EDAR: variants seen among roughly 807,000 people sequenced by gnomAD.
EDAR encodes the protein ectodysplasin A receptor.
Under a neutral mutation model 51.3 loss-of-function variants are expected in EDAR, and 38 were observed. The observed-to-expected ratio is 0.74, with a 90% confidence interval of 0.57 to 0.97. The LOEUF is 0.97. Among genes scored for constraint, EDAR ranks in the 50% least tolerant of loss-of-function variants. The pLI is 0.00. For missense variants in EDAR, 528 were observed against 595.0 expected (o/e 0.89, Z 1.17); for synonymous variants, 227 against 242.1 (o/e 0.94, Z 0.58).
intron 11 of EDAR, among the ~76,000 whole-genome samples, chr2:108,900,722 A>G (rs774129735): frequency 3.9e-5 from 6 of 152,234 alleles, no homozygotes; most frequent in Non-Finnish European, 8.8e-5. Flanking sequence ...GGAAAAATAC[A>G]TATCATGCAA....
Position 108,925,436 on chromosome 2 carries a change from G to C in EDAR, c.357-1983C>G, listed in dbSNP as rs371522263. ...CCGGCTTTATGATGGGTGCCCAATG[G>C]GGCCACTACATTTTGAGCATGGGGA... is the stretch of plus-strand genomic sequence containing the variant. On this transcript the variant is annotated intron_variant, in intron 4 of 11. Transcript: ENST00000258443. Among the ~76,000 whole-genome samples, 182 of 152,288 alleles carry C rather than the reference G, an allele frequency of 1.2e-3. 2 individuals carry two copies. Among genetic ancestry groups the C allele is most frequent in the South Asian group, 0.011 (51 of 4,824 alleles).
At chr2:108,980,154 G>A (rs1420368376) in intron 1 of EDAR, among the ~76,000 whole-genome samples, 3 of 152,132 alleles carry the variant, frequency 2.0e-5, no homozygotes, top group Non-Finnish European at 2.9e-5. Flanking sequence ...CACTTTCTCT[G>A]TTCTCAACCT....
intron 1 of EDAR, among the ~76,000 whole-genome samples, chr2:108,935,825 G>A (rs894897938): frequency 1.3e-5 from 2 of 152,196 alleles, no homozygotes; most frequent in African/African-American, 4.8e-5. Context: ...TGTCCAGGGA[G>A]CCAGACATGG....
chr2:108,956,804 T>TTTTA (rs1697935441), intron 1 of EDAR, among the ~76,000 whole-genome samples: 1 of 152,120 alleles, frequency 6.6e-6, no homozygotes, highest in African/African-American at 2.4e-5. Context: ...TTGTTTTTTT[T>TTTTA]GAGACAGAGT....
In EDAR at chr2:108,930,167, G is replaced by C; in HGVS notation, c.127C>G (p.Leu43Val). 1 of 1,614,084 alleles carries C rather than the reference G, an allele frequency of 6.2e-7. No individual in the cohort carries two copies. Among genetic ancestry groups the C allele is most frequent in the Admixed American group, 1.7e-5 (1 of 60,028 alleles). ...CCACACGGGGGGCACTCCTGGCACA[G>C]CCCCGTAGTCTGGTTGTAGTACTCG... The part of the protein sequence containing the change: ...ENEYYNQTTG[L>V]CQECPPCGPG... The change falls in exon 3 of 12, where the codon CTG (leucine) becomes GTG (valine). Residue 43 changes from leucine (L) to valine (V), a missense_variant. Physicochemically the swap from Leu to Val is conservative, Grantham distance 32. Transcript: ENST00000258443.
At chr2:108,928,342 C>T (rs528645182) in intron 4 of EDAR, among the ~76,000 whole-genome samples, 11 of 152,310 alleles carry the variant, frequency 7.2e-5, no homozygotes, top group Admixed American at 3.9e-4. Flanking sequence ...ACACTACCTC[C>T]CCAGCCATGA....
rs559689968 is a variant in EDAR at position 108,985,990 on chromosome 2, C to A, written c.-19+2970G>T. Among the ~76,000 whole-genome samples, 11 of 152,268 alleles carry A rather than the reference C, an allele frequency of 7.2e-5. No individual in the cohort carries two copies. In the South Asian group the frequency reaches 2.3e-3, roughly 32 times the overall value. The stretch of plus-strand genomic sequence containing the variant: ...TGACCTAATGAATGGCTGATCCCTG[C>A]CAAGACCCAGGGCAAAGCTTTTTTC... On this transcript the variant is annotated intron_variant, in intron 1 of 11. Coordinates refer to ENST00000258443, the MANE Select transcript of EDAR (RefSeq NM_022336.4).
intron 1 of EDAR, among the ~76,000 whole-genome samples, chr2:108,974,103 G>A (rs1394881212): frequency 1.3e-5 from 2 of 152,000 alleles, no homozygotes; most frequent in Non-Finnish European, 1.5e-5. Flanking sequence ...GCCGAGGTGG[G>A]TGGATCACGA....
chr2:108,925,596 T>C (rs1489461413), intron 4 of EDAR, among the ~76,000 whole-genome samples: 1 of 151,998 alleles, frequency 6.6e-6, no homozygotes, highest in Admixed American at 6.5e-5. Context: ...AGTCACTCAG[T>C]TAAGGAATAT....
chr2:108,972,537 G>A (rs980181926), intron 1 of EDAR, among the ~76,000 whole-genome samples: 1 of 152,222 alleles, frequency 6.6e-6, no homozygotes, highest in African/African-American at 2.4e-5. Flanking sequence ...GGCAGCCTAG[G>A]AAAAAAGAGA....
rs192654509 is a variant in EDAR at position 108,965,880 on chromosome 2, C to G, written c.-19+23080G>C. 2.0e-3 allele frequency among the ~76,000 whole-genome samples: 297 copies of G among 152,100 alleles called. 1 individual carries two copies. The highest frequency in any genetic ancestry group is 7.1e-3 in the South Asian group (34 of 4,802). ...TCCACCTTTCCCTTCTGTGCTCCCC[C>G]CTCTCCCCCCAGGCAAAGAAATATT... On this transcript the variant is annotated intron_variant, in intron 1 of 11. Transcript: ENST00000258443.
At chr2:108,934,382 C>A (rs937830830) in intron 1 of EDAR, among the ~76,000 whole-genome samples, 13 of 152,050 alleles carry the variant, frequency 8.5e-5, no homozygotes, top group African/African-American at 3.1e-4. Context: ...TTTGGGGATC[C>A]CCAATCTCCA....
chr2:108,897,267 C>T (rs1323267548), intron 11 of EDAR, 38 bp from the exon 12 acceptor site: 1 of 1,570,834 alleles, frequency 6.4e-7, no homozygotes. Flanking sequence ...TGTTGCAAGT[C>T]ACAGTCAATA....
intron 1 of EDAR, among the ~76,000 whole-genome samples, chr2:108,932,928 C>A (rs1230850273): frequency 6.6e-6 from 1 of 152,160 alleles, no homozygotes; most frequent in Admixed American, 6.5e-5. Flanking sequence ...TCCAGAGATC[C>A]CTGGGGAGCA....
chr2:108,956,792 T>TG (rs1697934398), intron 1 of EDAR, among the ~76,000 whole-genome samples: 1 of 130,442 alleles, frequency 7.7e-6, no homozygotes, highest in African/African-American at 3.4e-5. Flanking sequence ...CTCTTTTTTT[T>TG]TTTGTTTTTT....
rs551959193 is a variant in EDAR at position 108,958,385 on chromosome 2, A to G, written c.-18-27353T>C. 8.1e-3 allele frequency among the ~76,000 whole-genome samples: 1,047 copies of G among 129,528 alleles called. 15 individuals are homozygous for G. The highest frequency in any genetic ancestry group is 0.037 in the African/African-American group (1,007 of 27,344). The allele number at this position is 129,528 out of a possible 152,430, so 85.0% of individuals were successfully genotyped here. On this transcript the variant is annotated intron_variant, in intron 1 of 11. Coordinates refer to ENST00000258443, the MANE Select transcript of EDAR (RefSeq NM_022336.4). ...ATTGCTATCACTTTCATTAATAACC[A>G]TGAAATAGTTATTCCTTCAGCAGGA... is the stretch of plus-strand genomic sequence containing the variant.
intron 1 of EDAR, among the ~76,000 whole-genome samples, chr2:108,948,285 A>G (rs1697752845): frequency 5.3e-5 from 8 of 152,230 alleles, no homozygotes; most frequent in Admixed American, 3.3e-4. Context: ...GGTCAAAATC[A>G]TTCAACAAGT....
At chr2:108,943,597 C>T (rs919494749) in intron 1 of EDAR, among the ~76,000 whole-genome samples, 2 of 152,154 alleles carry the variant, frequency 1.3e-5, no homozygotes, top group Non-Finnish European at 2.9e-5. Flanking sequence ...TCACCACGGG[C>T]TTGGGAGGAC....
intron 1 of EDAR, among the ~76,000 whole-genome samples, chr2:108,965,288 TA>T (rs1238293623): frequency 2.6e-5 from 4 of 151,984 alleles, no homozygotes; most frequent in Non-Finnish European, 4.4e-5. Flanking sequence ...CCATCCTGGC[TA>T]ACATGGTGAA....
Sources: allele counts gnomAD v4.1 joint callset (sites outside exome capture counted in the v4.1 genomes callset), GRCh38; gene constraint gnomAD v4.1.1; transcripts MANE v1.5; gene names NCBI Gene and HGNC (gene_info 2026-07-23, HGNC 2026-07-21).